Variants in DNAH6 observed in about 807,000 individuals in gnomAD.
DNAH6 encodes the protein axonemal beta dynein heavy chain 6.
Under a neutral mutation model 491.4 loss-of-function variants are expected in DNAH6, and 340 were observed. The observed-to-expected ratio is 0.69, with a 90% confidence interval of 0.63 to 0.76. The LOEUF (loss-of-function observed/expected upper bound fraction) is 0.76, where lower values mean the gene tolerates loss of function less well. Ranked by LOEUF, DNAH6 falls within the 30% of genes least tolerant of loss-of-function variation. The pLI, the probability that DNAH6 is intolerant of heterozygous loss-of-function variation, is 0.00. For synonymous variants in DNAH6, 1,603 were observed against 1,686.1 expected (o/e 0.95, Z 1.21); for missense variants, 4,443 against 4,972.2 (o/e 0.89, Z 3.20).
At chr2:84,571,651 C>T (rs963413739) in intron 11 of DNAH6, among the ~76,000 whole-genome samples, 56 of 152,030 alleles carry the variant, frequency 3.7e-4, no homozygotes, top group African/African-American at 1.3e-3. Flanking sequence ...CAGTGGCTCA[C>T]GCCTGTAATT....
chr2:84,575,727 A>G (rs1682367488), intron 12 of DNAH6, among the ~76,000 whole-genome samples: 1 of 152,204 alleles, frequency 6.6e-6, no homozygotes, highest in South Asian at 2.1e-4. Context: ...TACTAAAAGT[A>G]CAAAAAATTA....
At chr2:84,650,138 A>G (rs1290979053) in intron 33 of DNAH6, among the ~76,000 whole-genome samples, 1 of 151,232 alleles carries the variant, frequency 6.6e-6, no homozygotes, top group Admixed American at 6.6e-5. Flanking sequence ...CTTCGGGTTT[A>G]TCCTGTTTTA....
intron 15 of DNAH6, 112 bp from the exon 16 acceptor site, chr2:84,588,712 ATC>A: frequency 9.6e-7 from 1 of 1,043,368 alleles, no homozygotes; most frequent in African/African-American, 1.6e-5. Flanking sequence ...ATTTCTAAAA[ATC>A]AAAAAGAAAA....
chr2:84,579,635 G>T lies in DNAH6; in HGVS notation c.2185G>T (p.Glu729Ter). The T allele has an allele frequency of 1.2e-6, 2 of 1,610,304 alleles. No individual in the cohort carries two copies. The highest frequency in any genetic ancestry group is 1.7e-6 in the Non-Finnish European group (2 of 1,178,822). The change falls in exon 14 of 77, where the codon GAA becomes TAA. Residue 729 changes from glutamate (E) to a stop codon, truncating the protein, a stop_gained. Coordinates refer to ENST00000389394, the MANE Select transcript of DNAH6 (RefSeq NM_001370.2). LOFTEE classifies it high-confidence loss of function. ...TGAGTTTGTTCCAACTACTACCACA[G>T]AATATGTTCATAGCTTATTATTTCT... is the stretch of plus-strand genomic sequence containing the variant. Reference protein sequence around the residue: ...KLEFVPTTTTEYVHSLLFLDE... With the variant: ...KLEFVPTTTT
intron 16 of DNAH6, among the ~76,000 whole-genome samples, chr2:84,593,005 A>G (rs1652659476): frequency 6.6e-6 from 1 of 152,218 alleles, no homozygotes; most frequent in Admixed American, 6.5e-5. Flanking sequence ...GAAAAAGTAC[A>G]TTAAATAACC....
intron 42 of DNAH6, among the ~76,000 whole-genome samples, chr2:84,683,456 C>G (rs1694003286): frequency 7.5e-6 from 1 of 133,680 alleles, no homozygotes; most frequent in Admixed American, 7.9e-5. Context: ...GAGTTTCACT[C>G]TTGTTGCCCA....
At chr2:84,461,211 GCA>G in the DNAH6 span, among the ~76,000 whole-genome samples, 4 of 152,298 alleles carry the variant, frequency 2.6e-5, no homozygotes, top group East Asian at 7.7e-4. Context: ...TTAGATAAAT[GCA>G]CACTTACAAG....
chr2:84,486,950 G>A, the DNAH6 span, among the ~76,000 whole-genome samples: 3 of 152,082 alleles, frequency 2.0e-5, no homozygotes, highest in South Asian at 2.1e-4. Flanking sequence ...GCTCAGTGGC[G>A]GGTTACAAGG....
chr2:84,468,862 A>G, the DNAH6 span, among the ~76,000 whole-genome samples: 11 of 152,188 alleles, frequency 7.2e-5, no homozygotes, highest in Non-Finnish European at 1.3e-4. Context: ...GCAGAGACCA[A>G]GAGAAAGTAC....
Position 84,595,889 on chromosome 2 carries a change from C to T in DNAH6, c.2868+100C>T, listed in dbSNP as rs375250816. ...GGAATTTTTCCCTGATTAAGTTAGT[C>T]AGCTTTGCAGACAGAAAAAACAATA... On this transcript the variant is annotated intron_variant, in intron 18 of 76. Transcript: ENST00000389394. 165 of 1,218,076 alleles carry T rather than the reference C, an allele frequency of 1.4e-4. 1 individual carries two copies. In the African/African-American group the frequency reaches 2.2e-3, roughly 16 times the overall value. 75.5% of individuals were successfully genotyped at this position (1,218,076 alleles called of 1,614,324 possible).
At chr2:84,734,751 G>A (rs947377870) in intron 62 of DNAH6, among the ~76,000 whole-genome samples, 1 of 152,064 alleles carries the variant, frequency 6.6e-6, no homozygotes, top group Non-Finnish European at 1.5e-5. Context: ...TGTAATTTTA[G>A]AATTTTTCCC....
At chr2:84,683,680 C>T (rs1047655229) in intron 42 of DNAH6, among the ~76,000 whole-genome samples, 2 of 152,088 alleles carry the variant, frequency 1.3e-5, no homozygotes. Context: ...GCCTCGGCCT[C>T]CCAAAGTGCT....
chr2:84,628,905 C>T (rs966428768), intron 29 of DNAH6, among the ~76,000 whole-genome samples: 4 of 152,236 alleles, frequency 2.6e-5, no homozygotes, highest in Admixed American at 2.0e-4. Flanking sequence ...ATGTTACCAG[C>T]GCACTTGAAA....
chr2:84,470,152 G>A, the DNAH6 span, among the ~76,000 whole-genome samples: 18 of 152,154 alleles, frequency 1.2e-4, no homozygotes, highest in South Asian at 6.2e-4. Context: ...TCTGTGGTTC[G>A]CCAGAAATAT....
rs1693674946 is a variant in DNAH6, at chr2:84,680,464, A to T, written c.6745-893A>T. Among the ~76,000 whole-genome samples the T allele has an allele frequency of 2.0e-5, 3 of 152,146 alleles. 1 individual carries two copies. In the South Asian group the frequency reaches 6.2e-4, roughly 32 times the overall value. ...AGGACTTGTTTTAGACTGAGTGGTC[A>T]GGAAAGGCCTCTCTGGAGAGACGGC... is the stretch of plus-strand genomic sequence containing the variant. On this transcript the variant is annotated intron_variant, in intron 41 of 76. Transcript: ENST00000389394.
chr2:84,605,352 CAA>C (rs5832617), intron 19 of DNAH6, 146 bp from the exon 20 acceptor site: 61,331 of 333,274 alleles, frequency 0.18, 4 homozygotes, highest in South Asian at 0.24. Flanking sequence ...GACTCTATCT[CAA>C]AAAAAAAAAA....
intron 40 of DNAH6, among the ~76,000 whole-genome samples, chr2:84,676,189 C>T (rs143984131): frequency 6.6e-6 from 1 of 152,298 alleles, no homozygotes; most frequent in Non-Finnish European, 1.5e-5. Context: ...GCAAAAAATT[C>T]TAGCTGTCCA....
intron 63 of DNAH6, among the ~76,000 whole-genome samples, chr2:84,749,007 A>G (rs575780132): frequency 6.6e-6 from 1 of 152,294 alleles, no homozygotes; most frequent in South Asian, 2.1e-4. Context: ...ACTCTTTTAA[A>G]CAACTAGCTC....
intron 52 of DNAH6, among the ~76,000 whole-genome samples, chr2:84,706,577 G>C (rs376470599): frequency 6.6e-6 from 1 of 152,106 alleles, no homozygotes; most frequent in Non-Finnish European, 1.5e-5. Context: ...TTCCACTATG[G>C]CATGAATATT....
Sources: gnomAD v4.1 joint callset for allele counts (sites outside exome capture counted in the v4.1 genomes callset) on GRCh38, gnomAD v4.1.1 for gene constraint, MANE v1.5 for transcripts, NCBI Gene and HGNC (gene_info 2026-07-23, HGNC 2026-07-21) for gene names.